The following DIAPH2 variants were observed in gnomAD, a reference collection of about 807,000 sequenced individuals.
DIAPH2 encodes the protein protein diaphanous homolog 2.
A neutral mutation model predicts 92.7 loss-of-function variants in DIAPH2; 35 were observed. The observed-to-expected ratio is 0.38, with a 90% CI of 0.29 to 0.50. DIAPH2 has a LOEUF of 0.50. DIAPH2 is among the 20% of genes least tolerant of loss of function. The probability of loss-of-function intolerance (pLI) is 0.94; values close to 1 mark genes in which losing one functional copy is unlikely to be tolerated. For missense variants in DIAPH2, 701 were observed against 819.5 expected (o/e 0.86, Z 1.77); for synonymous variants, 301 against 280.4 (o/e 1.07, Z -0.73).
intron 23 of DIAPH2, among the ~76,000 whole-genome samples, chrX:97,278,087 G>A (rs767839319): frequency 3.6e-5 from 4 of 111,818 alleles, no homozygotes; most frequent in African/African-American, 1.3e-4. Flanking sequence ...CTCGTGATCC[G>A]CGTGCCTCGG....
chrX:96,955,339 C>T (rs2065803800), intron 15 of DIAPH2, among the ~76,000 whole-genome samples: 2 of 111,811 alleles, frequency 1.8e-5, no homozygotes. Flanking sequence ...TTATCTCCCC[C>T]TGGTCCCGCC....
Position 97,202,766 on chromosome X carries a change from C to G in DIAPH2, c.2720-44949C>G, listed in dbSNP as rs148431187. ...TTAACACCCCACTGTCAATGTTTGA[C>G]AGATTAACAAGACAGAAAATTAACA... On this transcript the variant is annotated intron_variant, in intron 22 of 26. Transcript: ENST00000324765. Among the ~76,000 whole-genome samples, 15 of 111,933 alleles carry G rather than the reference C, an allele frequency of 1.3e-4. No homozygotes were observed. The East Asian group carries it at 3.4e-3, about 25-fold the overall frequency.
At chrX:97,501,636 A>T (rs1033413764) in intron 26 of DIAPH2, among the ~76,000 whole-genome samples, 2 of 111,291 alleles carry the variant, frequency 1.8e-5, no homozygotes, top group African/African-American at 6.5e-5. Flanking sequence ...TTCTGTACTT[A>T]AAACTGACTT....
At chrX:97,282,670 T>A (rs1278389510) in intron 23 of DIAPH2, among the ~76,000 whole-genome samples, 1 of 112,000 alleles carries the variant, frequency 8.9e-6, no homozygotes, top group East Asian at 2.8e-4. Flanking sequence ...AAAAGCACAT[T>A]GTCATCTTTA....
chrX:96,826,763 A>AT (rs779545812), intron 4 of DIAPH2, among the ~76,000 whole-genome samples: 1 of 111,500 alleles, frequency 9.0e-6, no homozygotes, highest in Non-Finnish European at 1.9e-5. Context: ...TTTTATTTTT[A>AT]TTTTTTAGAG....
chrX:96,919,864 ATTATTTATTTATTTATTTAT>A (rs60595365), intron 9 of DIAPH2, among the ~76,000 whole-genome samples: 1 of 100,238 alleles, frequency 1.0e-5, no homozygotes, highest in Admixed American at 1.1e-4. Context: ...TGTCAAATGT[ATTATTTATTTATTTATTTAT>A]TTATTTATTT....
intron 26 of DIAPH2, among the ~76,000 whole-genome samples, chrX:97,556,823 G>A (rs948165674): frequency 7.2e-5 from 8 of 111,396 alleles, no homozygotes; most frequent in East Asian, 2.8e-4. Flanking sequence ...AATAATACGC[G>A]GTCTCTGAAC....
rs913533893 is a variant in DIAPH2, at chrX:96,935,897, C to A, written c.1090-1336C>A. Among the ~76,000 whole-genome samples the A allele has an allele frequency of 2.7e-5, 3 of 111,755 alleles. No individual in the cohort carries two copies. In the East Asian group the frequency reaches 8.4e-4, roughly 31 times the overall value. On this transcript the variant is annotated intron_variant, in intron 10 of 26. Coordinates refer to ENST00000324765, the MANE Select transcript of DIAPH2 (RefSeq NM_006729.5). ...AGAATATGTGGTGACAAGAATAAGA[C>A]ATACTGTAAAATGCGTGACAGGTTG...
chrX:97,151,900 G>T (rs771540788), intron 22 of DIAPH2, among the ~76,000 whole-genome samples: 5 of 111,387 alleles, frequency 4.5e-5, no homozygotes, highest in Non-Finnish European at 9.4e-5. Flanking sequence ...ATACTGAGTA[G>T]TATTGTCAAG....
chrX:97,185,456 TATATATATATATATACAC>T (rs2067588451), intron 22 of DIAPH2, among the ~76,000 whole-genome samples: 1 of 37,801 alleles, frequency 2.6e-5, no homozygotes, highest in African/African-American at 2.2e-4. Context: ...TATGTGTGTG[TATATATATATATATACAC>T]ATATATATAT....
At chrX:97,038,906 G>A (rs1208744294) in intron 17 of DIAPH2, among the ~76,000 whole-genome samples, 1 of 111,095 alleles carries the variant, frequency 9.0e-6, no homozygotes, top group Non-Finnish European at 1.9e-5. Flanking sequence ...ATGCCACATA[G>A]AATAGTCTTG....
chrX:97,104,708 C>T (rs2066927668), intron 20 of DIAPH2, among the ~76,000 whole-genome samples: 1 of 111,367 alleles, frequency 9.0e-6, no homozygotes, highest in Admixed American at 9.6e-5. Flanking sequence ...TACTCTAACC[C>T]TGTGTAGTGC....
intron 4 of DIAPH2, among the ~76,000 whole-genome samples, chrX:96,855,524 A>G (rs1231073732): frequency 9.1e-6 from 1 of 109,760 alleles, no homozygotes; most frequent in South Asian, 3.8e-4. Flanking sequence ...GGCTTAGTCT[A>G]TATCCTCATG....
intron 3 of DIAPH2, among the ~76,000 whole-genome samples, chrX:96,750,979 C>T (rs1032160487): frequency 8.9e-6 from 1 of 112,336 alleles, no homozygotes; most frequent in African/African-American, 3.2e-5. Context: ...AGCTTCTAAA[C>T]ACATATCATT....
intron 24 of DIAPH2, among the ~76,000 whole-genome samples, chrX:97,374,001 CAG>C (rs2069476282): frequency 9.1e-6 from 1 of 109,730 alleles, no homozygotes; most frequent in African/African-American, 3.3e-5. Context: ...GAGATGAGGA[CAG>C]AGAGAGGTAA....
chrX:97,419,406 G>T (rs1304223905), intron 25 of DIAPH2, among the ~76,000 whole-genome samples: 1 of 112,388 alleles, frequency 8.9e-6, no homozygotes, highest in Non-Finnish European at 1.9e-5. Flanking sequence ...GAATGATCTT[G>T]GCTGTGTTTC....
chrX:97,096,665 A>G (rs2066871204), intron 19 of DIAPH2, among the ~76,000 whole-genome samples: 1 of 110,860 alleles, frequency 9.0e-6, no homozygotes, highest in South Asian at 3.9e-4. Flanking sequence ...GGGAACATGT[A>G]TTTTTTCCCT....
At chrX:96,954,633 C>G (rs1189215769) in intron 15 of DIAPH2, among the ~76,000 whole-genome samples, 1 of 112,226 alleles carries the variant, frequency 8.9e-6, no homozygotes, top group Admixed American at 9.4e-5. Flanking sequence ...TAATCATGTT[C>G]AGACTCTGAA....
intron 24 of DIAPH2, among the ~76,000 whole-genome samples, chrX:97,371,527 G>T (rs776532824): frequency 9.9e-5 from 11 of 111,533 alleles, no homozygotes; most frequent in African/African-American, 3.6e-4. Context: ...TTTTGAGGAG[G>T]TTAAGTATCA....
Sources: gnomAD v4.1 joint callset for allele counts (sites outside exome capture counted in the v4.1 genomes callset) on GRCh38, gnomAD v4.1.1 for gene constraint, MANE v1.5 for transcripts, NCBI Gene and HGNC (gene_info 2026-07-23, HGNC 2026-07-21) for gene names.